CDH18: variants seen among roughly 807,000 people sequenced by gnomAD.
CDH18 encodes cadherin-18.
CDH18 carries 31 observed loss-of-function variants against 67.9 expected under a neutral mutation model. The ratio of observed to expected loss-of-function variants is 0.46; its 90% CI spans 0.34 to 0.62. CDH18 has a LOEUF of 0.62. CDH18 is among the 20% of genes least tolerant of loss of function. The pLI is 0.01. For synonymous variants in CDH18, 362 were observed against 347.2 expected (o/e 1.04, Z -0.48); for missense variants, 890 against 975.5 (o/e 0.91, Z 1.17).
chr5:20,018,799 C>CT (rs34748553), intron 2 of CDH18, among the ~76,000 whole-genome samples: 53,774 of 144,596 alleles, frequency 0.37, 12,438 homozygotes, highest in Middle Eastern at 0.62. Flanking sequence ...ATAAGGCATT[C>CT]TTTTTTTTTT....
chr5:20,155,490 G>A (rs1751454276), intron 2 of CDH18, among the ~76,000 whole-genome samples: 1 of 152,018 alleles, frequency 6.6e-6, no homozygotes, highest in Admixed American at 6.6e-5. Context: ...TTTGTTGGAT[G>A]TATTTGCAAA....
intron 6 of CDH18, among the ~76,000 whole-genome samples, chr5:19,592,957 T>C (rs961678853): frequency 3.3e-5 from 5 of 152,060 alleles, no homozygotes; most frequent in African/African-American, 1.2e-4. Flanking sequence ...TTTAATTCAG[T>C]CTACTGTCCT....
chr5:19,999,337 C>A (rs1449739998), intron 2 of CDH18, among the ~76,000 whole-genome samples: 2 of 152,116 alleles, frequency 1.3e-5, no homozygotes, highest in Non-Finnish European at 2.9e-5. Flanking sequence ...GGGTGACTCA[C>A]GCCTATGATC....
chr5:20,318,943 C>T (rs1336087715), intron 1 of CDH18, among the ~76,000 whole-genome samples: 1 of 152,088 alleles, frequency 6.6e-6, no homozygotes, highest in African/African-American at 2.4e-5. Flanking sequence ...CTATTTCCTA[C>T]AAGGTTCCCT....
chr5:20,047,456 CT>C (rs1741007893), intron 2 of CDH18, among the ~76,000 whole-genome samples: 1 of 151,792 alleles, frequency 6.6e-6, no homozygotes, highest in African/African-American at 2.4e-5. Context: ...CTTAGGGAAT[CT>C]TTGAAAAAGG....
chr5:19,499,933 GT>G (rs1317939405), intron 11 of CDH18, among the ~76,000 whole-genome samples: 2 of 152,016 alleles, frequency 1.3e-5, no homozygotes, highest in African/African-American at 4.8e-5. Context: ...GATTTCTGTT[GT>G]TTCTCTCAAT....
intron 1 of CDH18, among the ~76,000 whole-genome samples, chr5:20,506,200 G>A (rs1419987424): frequency 1.3e-5 from 2 of 152,158 alleles, no homozygotes; most frequent in Non-Finnish European, 1.5e-5. Context: ...CATGATCCCT[G>A]CCGCCTCTTC....
At chr5:20,423,946 CAAAAAA>C (rs553723574) in intron 1 of CDH18, among the ~76,000 whole-genome samples, 1,404 of 63,726 alleles carry the variant, frequency 0.022, 19 homozygotes, top group African/African-American at 0.079. Context: ...GACTCCGTCT[CAAAAAA>C]AAAAAAAAAA....
intron 1 of CDH18, among the ~76,000 whole-genome samples, chr5:20,278,096 G>A (rs1745942655): frequency 6.6e-6 from 1 of 152,074 alleles, no homozygotes; most frequent in Admixed American, 6.6e-5. Flanking sequence ...TGGGTAGAAA[G>A]TTTATTCAAA....
chr5:19,779,687 GGT>G (rs1333702681), intron 3 of CDH18, among the ~76,000 whole-genome samples: 47 of 152,218 alleles, frequency 3.1e-4, no homozygotes, highest in African/African-American at 1.1e-3. Flanking sequence ...CATCCCAGTG[GGT>G]AAAATTTGGT....
Position 19,482,349 on chromosome 5 carries a change from T to C in CDH18, c.1882+952A>G, listed in dbSNP as rs529475361. On this transcript the variant is annotated intron_variant, in intron 12 of 12. Coordinates refer to ENST00000382275, the MANE Select transcript of CDH18 (RefSeq NM_004934.5). ...GCCAGGATAGTCTCGATCTCCTGAC[T>C]TCGTGATCCGCCCGCCTCGGCCTCC... is the stretch of plus-strand genomic sequence containing the variant. Among the ~76,000 whole-genome samples, 652 of 152,084 alleles carry C rather than the reference T, an allele frequency of 4.3e-3. 1 individual carries two copies. Among genetic ancestry groups the C allele is most frequent in the Non-Finnish European group, 7.2e-3 (486 of 67,960 alleles).
At chr5:20,424,694 CAG>C (rs1265142259) in intron 1 of CDH18, among the ~76,000 whole-genome samples, 1 of 119,406 alleles carries the variant, frequency 8.4e-6, no homozygotes, top group Non-Finnish European at 1.6e-5. Flanking sequence ...TTGCAGTGAG[CAG>C]AGATACCACC....
chr5:19,798,412 C>T (rs2149837807), intron 3 of CDH18, among the ~76,000 whole-genome samples: 1 of 151,986 alleles, frequency 6.6e-6, no homozygotes, highest in East Asian at 1.9e-4. Context: ...AAATTATGCT[C>T]AATTGAAACA....
intron 3 of CDH18, among the ~76,000 whole-genome samples, chr5:19,786,669 C>T (rs1215669341): frequency 2.0e-5 from 3 of 152,134 alleles, no homozygotes; most frequent in African/African-American, 7.2e-5. Context: ...CTAATTCTTC[C>T]ATGTCCTCAC....
intron 1 of CDH18, among the ~76,000 whole-genome samples, chr5:20,453,290 C>T (rs1561017378): frequency 6.6e-6 from 1 of 152,176 alleles, no homozygotes; most frequent in Non-Finnish European, 1.5e-5. Flanking sequence ...TCACTTTTAT[C>T]TGACTGTGTT....
At chr5:19,735,498 C>T (rs1031698397) in intron 4 of CDH18, among the ~76,000 whole-genome samples, 5 of 151,708 alleles carry the variant, frequency 3.3e-5, no homozygotes, top group Non-Finnish European at 5.9e-5. Flanking sequence ...TGGGTTCACG[C>T]CATTCTCCTG....
intron 1 of CDH18, among the ~76,000 whole-genome samples, chr5:20,529,939 C>T (rs924429500): frequency 1.3e-5 from 2 of 151,860 alleles, no homozygotes; most frequent in Non-Finnish European, 2.9e-5. Flanking sequence ...GGAAGAGAGG[C>T]GGTCAAATTG....
chr5:19,996,344 T>C (rs1736018915), intron 2 of CDH18, among the ~76,000 whole-genome samples: 1 of 152,092 alleles, frequency 6.6e-6, no homozygotes, highest in African/African-American at 2.4e-5. Flanking sequence ...ACAGTGTACA[T>C]GTTTTGGATT....
chr5:19,735,764 C>T (rs1406755288), intron 4 of CDH18, among the ~76,000 whole-genome samples: 1 of 152,140 alleles, frequency 6.6e-6, no homozygotes, highest in Non-Finnish European at 1.5e-5. Flanking sequence ...AAGTCCAGTG[C>T]TATTTCTCTT....
Sources: gnomAD v4.1 joint callset for allele counts (sites outside exome capture counted in the v4.1 genomes callset) on GRCh38, gnomAD v4.1.1 for gene constraint, MANE v1.5 for transcripts, NCBI Gene and HGNC (gene_info 2026-07-23, HGNC 2026-07-21) for gene names.